FARSB: variants seen among roughly 807,000 people sequenced by gnomAD.
The protein encoded by FARSB is phenylalanine--tRNA ligase beta subunit.
A neutral mutation model predicts 69.6 loss-of-function variants in FARSB; 40 were observed. The observed-to-expected ratio is 0.57, with a 90% CI of 0.45 to 0.75. The LOEUF is 0.75. Among genes scored for constraint, FARSB ranks in the 30% least tolerant of loss-of-function variants. FARSB has a pLI of 0.00. For missense variants in FARSB, 632 were observed against 722.9 expected (o/e 0.87, Z 1.44); for synonymous variants, 235 against 247.2 (o/e 0.95, Z 0.46).
intron 7 of FARSB, among the ~76,000 whole-genome samples, chr2:222,632,597 A>G (rs1691460854): frequency 6.6e-6 from 1 of 152,238 alleles, no homozygotes; most frequent in African/African-American, 2.4e-5. Flanking sequence ...TCATAAAAAT[A>G]GCCTTCAGAA....
intron 12 of FARSB, 75 bp from the exon 13 acceptor site, chr2:222,623,805 T>C: frequency 1.1e-6 from 1 of 908,606 alleles, no homozygotes; most frequent in Non-Finnish European, 1.8e-6. Flanking sequence ...ATACAGAACA[T>C]GCCATTAAAA....
intron 2 of FARSB, among the ~76,000 whole-genome samples, chr2:222,645,901 G>T (rs1691840282): frequency 6.6e-6 from 1 of 151,986 alleles, no homozygotes; most frequent in South Asian, 2.1e-4. Context: ...ATGTCTACTA[G>T]GTGAAAGAAA....
At chr2:222,642,192 G>T (rs1426160551) in intron 3 of FARSB, among the ~76,000 whole-genome samples, 1 of 151,988 alleles carries the variant, frequency 6.6e-6, no homozygotes, top group Non-Finnish European at 1.5e-5. Flanking sequence ...GTAGAGACGG[G>T]GTTTCACCAT....
At chr2:222,642,188 A>T (rs1691738626) in intron 3 of FARSB, among the ~76,000 whole-genome samples, 1 of 152,080 alleles carries the variant, frequency 6.6e-6, no homozygotes, top group African/African-American at 2.4e-5. Flanking sequence ...TTTAGTAGAG[A>T]CGGGGTTTCA....
rs1691341963 is a variant in FARSB at position 222,628,846 on chromosome 2, A to T, written c.891T>A (p.His297Gln). ...TTTCTTAAGCACTTACTGGAAAGGT[A>T]TGTGATTTTCCATTAGGAAAAACCA... Reference protein sequence around the residue: ...AEVVFPNGKSHTFPELAYRKE... With the variant: ...AEVVFPNGKSQTFPELAYRKE... The change falls in exon 10 of 17, where the codon CAT becomes CAA. Residue 297 changes from histidine (H) to glutamine (Q), a missense_variant. Physicochemically the swap from His to Gln is conservative, Grantham distance 24. Transcript: ENST00000281828. The T allele has an allele frequency of 3.1e-6, 5 of 1,604,704 alleles. No individual in the cohort carries two copies. In the East Asian group the frequency reaches 1.1e-4, roughly 36 times the overall value.
intron 13 of FARSB, among the ~76,000 whole-genome samples, chr2:222,620,685 T>C (rs1178961685): frequency 1.3e-5 from 2 of 152,260 alleles, no homozygotes; most frequent in Non-Finnish European, 2.9e-5. Context: ...ATATTAATGC[T>C]AGCTTTTTGA....
chr2:222,649,213 C>T (rs557566513), intron 1 of FARSB, among the ~76,000 whole-genome samples: 9 of 120,422 alleles, frequency 7.5e-5, no homozygotes, highest in Admixed American at 1.2e-4. Flanking sequence ...CTGACAAGAG[C>T]GAGACTCCGT....
chr2:222,600,454 A>G (rs1459257410), intron 15 of FARSB, among the ~76,000 whole-genome samples: 1 of 152,204 alleles, frequency 6.6e-6, no homozygotes, highest in Non-Finnish European at 1.5e-5. Context: ...CCTAAATTCA[A>G]AAAGGCTTTA....
chr2:222,600,192 T>A, intron 15 of FARSB, 109 bp from the exon 16 acceptor site: 1 of 841,266 alleles, frequency 1.2e-6, no homozygotes, highest in African/African-American at 1.8e-5. Context: ...AACCAAATAT[T>A]AAACATTCAG....
chr2:222,618,091 T>C (rs1037240819), intron 14 of FARSB, among the ~76,000 whole-genome samples: 1 of 151,928 alleles, frequency 6.6e-6, no homozygotes, highest in African/African-American at 2.4e-5. Context: ...CCTCAGAAAA[T>C]AAAATATAAC....
chr2:222,618,987 A>C (rs914699532), intron 14 of FARSB, among the ~76,000 whole-genome samples: 2 of 152,022 alleles, frequency 1.3e-5, no homozygotes, highest in Admixed American at 1.3e-4. Context: ...CTAAAAATAC[A>C]AAAAATTAGC....
chr2:222,636,776 G>A (rs898793331), intron 5 of FARSB, among the ~76,000 whole-genome samples: 13 of 152,108 alleles, frequency 8.5e-5, no homozygotes, highest in African/African-American at 3.1e-4. Context: ...TTGCCTGAAA[G>A]AACAAAAACC....
At chr2:222,590,548 CAAA>C (rs377051875) in intron 16 of FARSB, among the ~76,000 whole-genome samples, 152 of 114,034 alleles carry the variant, frequency 1.3e-3, no homozygotes, top group Admixed American at 1.5e-3. Flanking sequence ...CCTTTTAGGC[CAAA>C]AAAAAAAAAA....
rs1018589973 is a variant in FARSB, at chr2:222,568,390, T to C, written c.*3481A>G. 11 of 152,194 alleles carry C rather than the reference T, an allele frequency of 7.2e-5. No individual in the cohort carries two copies. Among genetic ancestry groups the C allele is most frequent in the South Asian group, 2.1e-4 (1 of 4,826 alleles). 9.4% of individuals were successfully genotyped at this position (152,194 alleles called of 1,614,324 possible). ...CTGTGGACTCCAAGTCACTCTTTTATAGTGTCTCAAACTCATTTATTGGCT... is the reference window on the plus strand; with the variant it reads ...CTGTGGACTCCAAGTCACTCTTTTACAGTGTCTCAAACTCATTTATTGGCT... On this transcript the variant is annotated 3_prime_UTR_variant, in exon 17 of 17. Transcript: ENST00000281828. The surrounding 1 kb of genome is among the most constrained non-coding windows in gnomAD (Gnocchi z 4.3).
At chr2:222,575,596 TCAGCTTTGCTGCTATCA>T (rs1306736609) in intron 16 of FARSB, among the ~76,000 whole-genome samples, 2 of 152,250 alleles carry the variant, frequency 1.3e-5, no homozygotes, top group Non-Finnish European at 2.9e-5. Flanking sequence ...GGTTAAACTC[TCAGCTTTGCTGCTATCA>T]CAGTAAACGG....
chr2:222,619,128 C>T (rs1474490347), intron 14 of FARSB, among the ~76,000 whole-genome samples: 7 of 149,660 alleles, frequency 4.7e-5, no homozygotes, highest in African/African-American at 1.5e-4. Flanking sequence ...GGCGACAGAG[C>T]GAGACTCTGT....
intron 10 of FARSB, among the ~76,000 whole-genome samples, chr2:222,626,803 G>A (rs1419002115): frequency 6.6e-6 from 1 of 152,174 alleles, no homozygotes; most frequent in East Asian, 1.9e-4. Context: ...GGAGGCCAAA[G>A]CGGGCGGATC....
At chr2:222,591,938 G>A (rs1006261805) in intron 16 of FARSB, among the ~76,000 whole-genome samples, 1 of 152,112 alleles carries the variant, frequency 6.6e-6, no homozygotes, top group Non-Finnish European at 1.5e-5. Context: ...GGTTATAGTG[G>A]GGACAGGCAA....
intron 2 of FARSB, among the ~76,000 whole-genome samples, chr2:222,646,058 TCA>T (rs763267442): frequency 2.6e-5 from 4 of 152,156 alleles, no homozygotes; most frequent in Non-Finnish European, 4.4e-5. Flanking sequence ...CTCATTCATT[TCA>T]CAGTCTAAAA....
Sources: gnomAD v4.1 joint callset for allele counts (sites outside exome capture counted in the v4.1 genomes callset) on GRCh38, gnomAD v4.1.1 for gene constraint, Gnocchi (gnomAD v3.1) non-coding constraint, MANE v1.5 for transcripts, NCBI Gene and HGNC (gene_info 2026-07-23, HGNC 2026-07-21) for gene names.